The following DISC1 variants were observed in gnomAD, a reference collection of about 807,000 sequenced individuals.
DISC1 encodes the protein DISC1 scaffold protein.
A neutral mutation model predicts 84.5 loss-of-function variants in DISC1; 57 were observed. The observed-to-expected ratio is 0.67, with a 90% CI of 0.55 to 0.84. DISC1 has a LOEUF of 0.84. Among genes scored for constraint, DISC1 ranks in the 40% least tolerant of loss-of-function variants. DISC1 has a pLI of 0.00. For missense variants in DISC1, 1,000 were observed against 1,057.8 expected, an observed-to-expected ratio of 0.95 and a Z score of 0.76; for synonymous variants, 411 against 415.2, an observed-to-expected ratio of 0.99 and a Z score of 0.12.
At chr1:231,920,557 C>T (rs922267054) in intron 9 of DISC1, among the ~76,000 whole-genome samples, 5 of 152,286 alleles carry the variant, frequency 3.3e-5, no homozygotes, top group East Asian at 3.9e-4. Flanking sequence ...CTTAGTGTAA[C>T]GTCCTTAAGG....
intron 9 of DISC1, among the ~76,000 whole-genome samples, chr1:231,844,707 A>G (rs1398842805): frequency 6.6e-6 from 1 of 152,022 alleles, no homozygotes; most frequent in Non-Finnish European, 1.5e-5. Flanking sequence ...GGGGTGGATC[A>G]CGAGGTCAGG....
chr1:231,763,585 G>A (rs1347479683), intron 4 of DISC1, among the ~76,000 whole-genome samples: 29 of 152,144 alleles, frequency 1.9e-4, no homozygotes, highest in Admixed American at 1.9e-3. Context: ...AAAAACTGAG[G>A]TGACATATTT....
chr1:231,702,271 C>G, intron 3 of DISC1: 1 of 1,186,202 alleles, frequency 8.4e-7, no homozygotes, highest in Middle Eastern at 3.5e-4. Context: ...AGCATACTCA[C>G]ACAATAAAAA....
At chr1:231,991,171 C>T (rs1318691880) in intron 10 of DISC1, among the ~76,000 whole-genome samples, 1 of 152,262 alleles carries the variant, frequency 6.6e-6, no homozygotes, top group African/African-American at 2.4e-5. Flanking sequence ...TTGACCTACA[C>T]ATTTGTCAGA....
At chr1:231,738,999 T>C (rs1202281635) in intron 3 of DISC1, among the ~76,000 whole-genome samples, 2 of 152,142 alleles carry the variant, frequency 1.3e-5, no homozygotes, top group African/African-American at 4.8e-5. Flanking sequence ...CTCAGCCATT[T>C]CTCCCAGGAG....
At chr1:231,629,746 T>C (rs2058554073) in intron 1 of DISC1, among the ~76,000 whole-genome samples, 2 of 152,222 alleles carry the variant, frequency 1.3e-5, no homozygotes, top group Admixed American at 6.5e-5. Flanking sequence ...TCAAACATTA[T>C]GACATTAATG....
chr1:231,672,339 T>C (rs1308198975), intron 1 of DISC1, among the ~76,000 whole-genome samples: 1 of 152,188 alleles, frequency 6.6e-6, no homozygotes, highest in African/African-American at 2.4e-5. Flanking sequence ...TTTCTATCTT[T>C]TTACCTCTCT....
At chr1:231,765,991 C>A (rs1418457959) in intron 4 of DISC1, among the ~76,000 whole-genome samples, 1 of 151,840 alleles carries the variant, frequency 6.6e-6, no homozygotes, top group East Asian at 1.9e-4. Context: ...CTAGTACGCA[C>A]ATTAAAAAAG....
chr1:231,717,920 T>C (rs2068990682), intron 3 of DISC1, among the ~76,000 whole-genome samples: 1 of 152,166 alleles, frequency 6.6e-6, no homozygotes, highest in African/African-American at 2.4e-5. Context: ...ATCTAAAGAC[T>C]ATCTTTTTCC....
intron 1 of DISC1, among the ~76,000 whole-genome samples, chr1:231,639,197 T>C (rs2059427522): frequency 1.3e-5 from 2 of 152,192 alleles, no homozygotes; most frequent in South Asian, 2.1e-4. Context: ...ACACTTTTCA[T>C]GTAGATTGCG....
intron 1 of DISC1, chr1:231,629,305 C>T (rs879805061): frequency 6.6e-6 from 1 of 152,668 alleles, no homozygotes; most frequent in Non-Finnish European, 1.5e-5. Flanking sequence ...TAGGATAGCA[C>T]ATGAGGTGTA....
At chr1:231,651,405 A>T (rs1272618033) in intron 1 of DISC1, among the ~76,000 whole-genome samples, 1 of 152,172 alleles carries the variant, frequency 6.6e-6, no homozygotes, top group African/African-American at 2.4e-5. Context: ...AGGCTGCAGA[A>T]CAGCAAATAT....
At chr1:231,663,530 C>T (rs1171082501) in intron 1 of DISC1, among the ~76,000 whole-genome samples, 1 of 152,138 alleles carries the variant, frequency 6.6e-6, no homozygotes, top group Admixed American at 6.5e-5. Context: ...GTTATACTGC[C>T]CCTACAACTT....
chr1:231,725,680 T>C (rs1474911497), intron 3 of DISC1, among the ~76,000 whole-genome samples: 1 of 152,250 alleles, frequency 6.6e-6, no homozygotes, highest in East Asian at 1.9e-4. Context: ...AATTATTTCC[T>C]GGTTGAAGTC....
Position 231,767,136 on chromosome 1 carries a change from T to C in DISC1, c.1269-4T>C. The stretch of plus-strand genomic sequence containing the variant: ...CTGTACCAATAGGTATGTGTTGTTT[T>C]AAGGGCCAGCGGAGATGACACCCAC... On this transcript the variant is annotated splice_region_variant and splice_polypyrimidine_tract_variant and intron_variant, in intron 4 of 12. Transcript: ENST00000439617. The C allele has an allele frequency of 1.2e-6, 2 of 1,614,112 alleles. No homozygotes were observed. Among genetic ancestry groups the C allele is most frequent in the African/African-American group, 2.7e-5 (2 of 75,038 alleles).
chr1:231,811,881 T>A (rs962995699), intron 8 of DISC1, among the ~76,000 whole-genome samples: 1 of 152,224 alleles, frequency 6.6e-6, no homozygotes, highest in African/African-American at 2.4e-5. Flanking sequence ...CTAGATTTTT[T>A]AACTGGAAAT....
chr1:232,035,393 C>T (rs557168443), intron 12 of DISC1, among the ~76,000 whole-genome samples: 33 of 152,204 alleles, frequency 2.2e-4, no homozygotes, highest in Admixed American at 1.8e-3. Flanking sequence ...TGCAGTGAGC[C>T]GAGATCGCAC....
chr1:231,767,065 T>C (rs1045113396), intron 4 of DISC1, 75 bp from the exon 5 acceptor site: 41 of 1,589,032 alleles, frequency 2.6e-5, no homozygotes, highest in Non-Finnish European at 3.2e-5. Context: ...TGGAGTTTCT[T>C]ACTCTTAAAA....
chr1:231,638,645 T>C lies in DISC1; in HGVS notation c.67+11711T>C, dbSNP rs6659693. Among the ~76,000 whole-genome samples, 544 of 152,322 alleles carry C rather than the reference T, an allele frequency of 3.6e-3. 4 individuals carry two copies. The highest frequency in any genetic ancestry group is 0.013 in the African/African-American group (525 of 41,564). ...TCTTGTCAATGTTGTCAAAGATCAGTTGGTTGTAAATATGTGGCTTTATTT... is the reference window on the plus strand; with the variant it reads ...TCTTGTCAATGTTGTCAAAGATCAGCTGGTTGTAAATATGTGGCTTTATTT... On this transcript the variant is annotated intron_variant, in intron 1 of 12. Coordinates refer to ENST00000439617, the MANE Select transcript of DISC1 (RefSeq NM_018662.3).
Sources: allele counts gnomAD v4.1 joint callset (sites outside exome capture counted in the v4.1 genomes callset), GRCh38; gene constraint gnomAD v4.1.1; transcripts MANE v1.5; gene names NCBI Gene and HGNC (gene_info 2026-07-23, HGNC 2026-07-21).